The following LRP1B variants were observed in gnomAD, a reference collection of about 807,000 sequenced individuals.
The protein encoded by LRP1B is low-density lipoprotein receptor-related protein 1B.
In LRP1B, 217 loss-of-function variants were observed where a neutral mutation model predicts 556.6. The observed-to-expected ratio is 0.39, with a 90% CI of 0.35 to 0.44. The LOEUF is 0.44. Among genes scored for constraint, LRP1B ranks in the 20% least tolerant of loss-of-function variants. LRP1B has a pLI of 1.00. For synonymous variants in LRP1B, 2,047 were observed against 1,865.8 expected (o/e 1.10, Z -2.50); for missense variants, 5,053 against 5,620.8 (o/e 0.90, Z 3.23).
intron 2 of LRP1B, among the ~76,000 whole-genome samples, chr2:141,593,236 T>C (rs377503541): frequency 1.3e-5 from 2 of 152,136 alleles, no homozygotes; most frequent in Non-Finnish European, 2.9e-5. Context: ...AGAAAAAACC[T>C]GGACCCATGA....
intron 27 of LRP1B, 103 bp downstream of exon 27, chr2:140,867,487 C>T (rs2105152657): frequency 7.9e-7 from 1 of 1,272,778 alleles, no homozygotes. Flanking sequence ...CGTAAAATGT[C>T]AATAACTTTT....
At chr2:141,051,269 A>G (rs1699027454) in intron 10 of LRP1B, among the ~76,000 whole-genome samples, 1 of 152,220 alleles carries the variant, frequency 6.6e-6, no homozygotes. Flanking sequence ...CAGCAGTCCC[A>G]TTACTGGCTA....
intron 59 of LRP1B, among the ~76,000 whole-genome samples, chr2:140,483,640 A>ATTTTT (rs1178469364): frequency 1.1e-4 from 8 of 70,746 alleles, no homozygotes; most frequent in African/African-American, 5.1e-4. Context: ...ATATATATAT[A>ATTTTT]TTTTTTTTTT....
chr2:140,748,426 TATATTTA>T (rs1321563698), intron 35 of LRP1B, among the ~76,000 whole-genome samples: 4 of 98,216 alleles, frequency 4.1e-5, no homozygotes, highest in African/African-American at 1.5e-4. Flanking sequence ...TAATATATAT[TATATTTA>T]TATATATATT....
chr2:141,147,051 G>A (rs1701802812), intron 7 of LRP1B, among the ~76,000 whole-genome samples: 1 of 152,144 alleles, frequency 6.6e-6, no homozygotes, highest in East Asian at 1.9e-4. Flanking sequence ...TCAGAGGACT[G>A]AAAGAAAGAG....
chr2:140,617,530 T>G (rs1212772192), intron 41 of LRP1B, among the ~76,000 whole-genome samples: 1 of 152,010 alleles, frequency 6.6e-6, no homozygotes, highest in Non-Finnish European at 1.5e-5. Flanking sequence ...GGATATTTCT[T>G]TCTGATCTTT....
chr2:140,995,392 A>T (rs1169162002), intron 15 of LRP1B, among the ~76,000 whole-genome samples: 1 of 152,050 alleles, frequency 6.6e-6, no homozygotes, highest in Non-Finnish European at 1.5e-5. Context: ...TGCAAGATGT[A>T]TTTGATTTGA....
At chr2:141,057,474 C>A (rs1367589063) in intron 9 of LRP1B, among the ~76,000 whole-genome samples, 2 of 151,806 alleles carry the variant, frequency 1.3e-5, no homozygotes, top group African/African-American at 4.8e-5. Context: ...GTCTGTATCC[C>A]CACCCAAATC....
intron 1 of LRP1B, among the ~76,000 whole-genome samples, chr2:141,888,093 T>C (rs543101741): frequency 2.0e-5 from 3 of 152,260 alleles, no homozygotes; most frequent in South Asian, 4.1e-4. Flanking sequence ...CCTCCTTCCA[T>C]GAGGGTGGAA....
At chr2:141,760,812 TAG>T (rs1206116525) in intron 2 of LRP1B, among the ~76,000 whole-genome samples, 1 of 152,228 alleles carries the variant, frequency 6.6e-6, no homozygotes, top group African/African-American at 2.4e-5. Context: ...GCTAACATAT[TAG>T]AGTCACTTGT....
intron 31 of LRP1B, among the ~76,000 whole-genome samples, chr2:140,824,380 G>T (rs1376332369): frequency 2.6e-5 from 4 of 151,902 alleles, no homozygotes; most frequent in Admixed American, 2.6e-4. Context: ...AAAATTTTTT[G>T]ATTTCATCTT....
intron 46 of LRP1B, among the ~76,000 whole-genome samples, chr2:140,534,501 A>T (rs980248555): frequency 6.6e-6 from 1 of 152,170 alleles, no homozygotes; most frequent in African/African-American, 2.4e-5. Flanking sequence ...ACACACCAAC[A>T]TCCATTTCCT....
At chr2:141,800,919 G>A (rs1695986163) in intron 2 of LRP1B, among the ~76,000 whole-genome samples, 1 of 152,224 alleles carries the variant, frequency 6.6e-6, no homozygotes, top group Non-Finnish European at 1.5e-5. Flanking sequence ...TATATATTAC[G>A]AGAAATGTAG....
chr2:141,162,033 T>C (rs185067051), intron 7 of LRP1B, among the ~76,000 whole-genome samples: 2 of 152,100 alleles, frequency 1.3e-5, no homozygotes, highest in Non-Finnish European at 2.9e-5. Context: ...TGGAATTATA[T>C]AGACTTACTT....
intron 7 of LRP1B, among the ~76,000 whole-genome samples, chr2:141,124,664 G>GAA (rs570765407): frequency 0.036 from 2,667 of 73,602 alleles, 119 homozygotes; most frequent in African/African-American, 0.1. Context: ...AGTGACAAAT[G>GAA]AAAAAAAAAA....
chr2:141,017,598 T>C (rs1030419052), intron 12 of LRP1B, among the ~76,000 whole-genome samples: 3 of 151,864 alleles, frequency 2.0e-5, no homozygotes, highest in Non-Finnish European at 1.5e-5. Context: ...TTAAACAAAA[T>C]ATAAGAAAGT....
chr2:140,851,385 G>A (rs1449562954), intron 28 of LRP1B, among the ~76,000 whole-genome samples: 1 of 151,978 alleles, frequency 6.6e-6, no homozygotes, highest in African/African-American at 2.4e-5. Context: ...CTCTGCTAAC[G>A]TACCAAATAA....
intron 77 of LRP1B, among the ~76,000 whole-genome samples, chr2:140,348,789 T>A (rs1481035868): frequency 3.9e-5 from 6 of 152,114 alleles, no homozygotes; most frequent in Non-Finnish European, 7.4e-5. Flanking sequence ...TTTGCATGTA[T>A]AAGAATGAAA....
chr2:141,643,016 A>T (rs1689404061), intron 2 of LRP1B, among the ~76,000 whole-genome samples: 1 of 152,146 alleles, frequency 6.6e-6, no homozygotes, highest in Admixed American at 6.6e-5. Context: ...CTATTGAAAA[A>T]GACATGAAAA....
Sources: gnomAD v4.1 joint callset for allele counts (sites outside exome capture counted in the v4.1 genomes callset) on GRCh38, gnomAD v4.1.1 for gene constraint, MANE v1.5 for transcripts, NCBI Gene and HGNC (gene_info 2026-07-23, HGNC 2026-07-21) for gene names.